Variants in NFATC2 observed in about 807,000 individuals in gnomAD.
NFATC2 encodes the protein nuclear factor of activated T cells 2.
Under a neutral mutation model 87.3 loss-of-function variants are expected in NFATC2, and 22 were observed. The observed-to-expected ratio is 0.25, with a 90% confidence interval of 0.18 to 0.36. NFATC2 has a LOEUF of 0.36. Among genes scored for constraint, NFATC2 ranks in the 10% least tolerant of loss-of-function variants. NFATC2 has a pLI of 1.00. For synonymous variants in NFATC2, 565 were observed against 542.2 expected (o/e 1.04, Z -0.58); for missense variants, 1,149 against 1,259.1 (o/e 0.91, Z 1.32).
At chr20:51,544,063 T>C (rs1036236448), upstream of NFATC2, among the ~76,000 whole-genome samples, 10 of 143,622 alleles carry the variant, frequency 7.0e-5, no homozygotes, top group South Asian at 2.4e-4. Context: ...TCTTGGCTCA[T>C]TGCAAGCTCT....
At chr20:51,476,362 A>G (rs933759138) in intron 3 of NFATC2, among the ~76,000 whole-genome samples, 1 of 151,880 alleles carries the variant, frequency 6.6e-6, no homozygotes, top group Admixed American at 6.6e-5. Context: ...TGTGACAAAA[A>G]TGCCATAGTC....
At chr20:51,545,204 C>G (rs4809851), upstream of NFATC2, among the ~76,000 whole-genome samples, 1 of 152,052 alleles carries the variant, frequency 6.6e-6, no homozygotes. Flanking sequence ...AATGCCTCCC[C>G]ACATCCTTTC....
At chr20:51,494,717 CCA>C (rs1264846872) in intron 3 of NFATC2, among the ~76,000 whole-genome samples, 2 of 152,130 alleles carry the variant, frequency 1.3e-5, no homozygotes, top group African/African-American at 4.8e-5. Flanking sequence ...GGCTGAGAAG[CCA>C]CAGTTTGCCA....
chr20:51,545,549 G>T (rs2076882009), upstream of NFATC2, among the ~76,000 whole-genome samples: 1 of 152,218 alleles, frequency 6.6e-6, no homozygotes, highest in Admixed American at 6.5e-5. Context: ...TAAGTAGATG[G>T]ATTGATGGAT....
chr20:51,458,011 G>A (rs1430900935), intron 5 of NFATC2, among the ~76,000 whole-genome samples: 15 of 151,294 alleles, frequency 9.9e-5, no homozygotes, highest in African/African-American at 3.4e-4. Context: ...TCAGCCTCCC[G>A]AGTAGCTGGC....
Position 51,516,885 on chromosome 20 carries a change from G to A in NFATC2, c.1231C>T (p.Arg411Trp), listed in dbSNP as rs145940146. The A allele has an allele frequency of 2.6e-5, 42 of 1,614,024 alleles. No homozygotes were observed. Among genetic ancestry groups the A allele is most frequent in the South Asian group, 5.5e-5 (5 of 91,088 alleles). ...TGTGGCTTGGGCTGCACCTCGATCC[G>A]CAGCTCGTAAGAGCCTGACTGACTG... ...LSSQSGSYELRIEVQPKPHHR... is the reference protein window; with the variant it reads ...LSSQSGSYELWIEVQPKPHHR... Residue 411 changes from arginine (R) to tryptophan (W), a missense_variant, in exon 3 of 11, where the codon CGG becomes TGG. Arg to Trp is a moderately radical substitution (Grantham distance 101). This residue lies in a region of NFATC2 where 563 missense variants were observed against 585.2 expected (regional missense o/e 0.96). Coordinates refer to ENST00000371564, the MANE Select transcript of NFATC2 (RefSeq NM_012340.5).
rs145700344 is a variant in NFATC2 at position 51,536,166 on chromosome 20, G to C, written c.130+6204C>G. The stretch of plus-strand genomic sequence containing the variant: ...CAATGAGTATAATCCCATTAGGACA[G>C]TAGCAAGATACAATTTCTAATTATA... On this transcript the variant is annotated intron_variant, in intron 1 of 10. Transcript: ENST00000371564. Among the ~76,000 whole-genome samples the C allele has an allele frequency of 2.6e-5, 4 of 152,350 alleles. No individual in the cohort carries two copies. In the East Asian group the frequency reaches 7.7e-4, roughly 29 times the overall value.
At chr20:51,404,036 T>C (rs976688824) in intron 9 of NFATC2, among the ~76,000 whole-genome samples, 85 of 152,172 alleles carry the variant, frequency 5.6e-4, no homozygotes, top group African/African-American at 1.9e-3. Flanking sequence ...GTGGCAGGGG[T>C]TGAACAAGGA....
chr20:51,473,912 T>G, intron 5 of NFATC2, 68 bp downstream of exon 5: 1 of 1,545,622 alleles, frequency 6.5e-7, no homozygotes, highest in African/African-American at 1.4e-5. Flanking sequence ...CAGAATACAC[T>G]GCTCCCGGGG....
intron 3 of NFATC2, among the ~76,000 whole-genome samples, chr20:51,502,675 G>A (rs770342208): frequency 1.3e-4 from 20 of 152,066 alleles, no homozygotes; most frequent in Non-Finnish European, 2.8e-4. Context: ...AAGGAGAGAC[G>A]GATAGATACA....
intron 3 of NFATC2, among the ~76,000 whole-genome samples, chr20:51,514,001 C>T (rs1327507226): frequency 6.6e-6 from 1 of 152,240 alleles, no homozygotes; most frequent in Non-Finnish European, 1.5e-5. Context: ...TAGCCATAAC[C>T]TTGAACAAGT....
chr20:51,547,196 G>A (rs1012553847), upstream of NFATC2, among the ~76,000 whole-genome samples: 23 of 152,172 alleles, frequency 1.5e-4, no homozygotes, highest in African/African-American at 5.5e-4. Context: ...GGACCAAGTA[G>A]ATGGTTCTTA....
chr20:51,438,423 C>T lies in NFATC2; in HGVS notation c.1850-2662G>A, dbSNP rs1258929010. Among the ~76,000 whole-genome samples the T allele has an allele frequency of 2.2e-5, 3 of 139,330 alleles. No individual in the cohort carries two copies. The East Asian group carries it at 6.3e-4, about 29-fold the overall frequency. The allele number at this position is 139,330 out of a possible 152,430, so 91.4% of individuals were successfully genotyped here. A position where few individuals can be genotyped will look rare whatever the true frequency, so the allele number is the denominator to read the frequency against. ...CTACCAACAGCATCATTTCTTTTTC[C>T]ACTTATATGAGCTTGCTTTGAAAAA... On this transcript the variant is annotated intron_variant, in intron 6 of 10. Transcript: ENST00000371564.
intron 1 of NFATC2, among the ~76,000 whole-genome samples, chr20:51,561,484 A>AAAGCAAGCAAGCAAGC (rs377087625): frequency 2.0e-4 from 18 of 90,056 alleles, no homozygotes; most frequent in South Asian, 4.2e-4. Context: ...AGAAAGAAAG[A>AAAGCAAGCAAGCAAGC]AAGCAAGCAA....
chr20:51,470,814 T>C (rs543213861), intron 5 of NFATC2, among the ~76,000 whole-genome samples: 1 of 152,334 alleles, frequency 6.6e-6, no homozygotes, highest in East Asian at 1.9e-4. Flanking sequence ...TACTAGGCAC[T>C]GGTCTAGGGA....
intron 5 of NFATC2, among the ~76,000 whole-genome samples, chr20:51,472,865 C>A (rs930611431): frequency 2.0e-5 from 3 of 152,066 alleles, no homozygotes; most frequent in African/African-American, 7.2e-5. Flanking sequence ...GAACTCCTGA[C>A]CTCAAGAGAT....
rs879536156 is a variant in NFATC2 at position 51,467,902 on chromosome 20, C to T, written c.1708+6078G>A. The stretch of plus-strand genomic sequence containing the variant: ...TAGCCTTATCCATAAACCTAAGCCC[C>T]GGGAACAGACCAAATTTCTATCAAT... On this transcript the variant is annotated intron_variant, in intron 5 of 10. Transcript: ENST00000371564. Among the ~76,000 whole-genome samples the T allele has an allele frequency of 2.5e-4, 38 of 152,244 alleles. No homozygotes were observed. In the Middle Eastern group the frequency reaches 0.01, roughly 41 times the overall value.
intron 3 of NFATC2, among the ~76,000 whole-genome samples, chr20:51,496,187 A>T (rs1048851154): frequency 4.6e-5 from 7 of 152,146 alleles, no homozygotes; most frequent in Non-Finnish European, 8.8e-5. Context: ...AGCTGTTCAC[A>T]ACTTGCCATG....
chr20:51,396,038 G>A (rs6021176), intron 10 of NFATC2, among the ~76,000 whole-genome samples: 800 of 20,730 alleles, frequency 0.039, 33 homozygotes, highest in African/African-American at 0.16. Flanking sequence ...CTCCTAGTAT[G>A]TATATATATA....
Sources: allele counts gnomAD v4.1 joint callset (sites outside exome capture counted in the v4.1 genomes callset), GRCh38; gene constraint gnomAD v4.1.1; regional missense constraint gnomAD v4.1.1; transcripts MANE v1.5; gene names NCBI Gene and HGNC (gene_info 2026-07-23, HGNC 2026-07-21).